TTN: variants seen among roughly 807,000 people sequenced by gnomAD.
TTN encodes the protein connectin.
A neutral mutation model predicts 3,223.0 loss-of-function variants in TTN; 1,525 were observed. The observed-to-expected ratio is 0.47, with a 90% CI of 0.45 to 0.49. The LOEUF is 0.49. Ranked by LOEUF, TTN falls within the 20% of genes least tolerant of loss-of-function variation. The probability of loss-of-function intolerance (pLI) is 0.00; values close to 1 mark genes in which losing one functional copy is unlikely to be tolerated. For synonymous variants in TTN, 14,094 were observed against 15,161.0 expected (o/e 0.93, Z 5.17); for missense variants, 40,786 against 43,424.0 (o/e 0.94, Z 5.40).
intron 98 of TTN, 75 bp downstream of exon 98, chr2:178,710,560 C>G: frequency 4.0e-6 from 6 of 1,484,198 alleles, no homozygotes; most frequent in Non-Finnish European, 4.5e-6. Context: ...CATTCATCAT[C>G]ATAAAAACGA....
chr2:178,783,807 T>G (rs758043571), intron 16 of TTN, 22 bp from the exon 17 acceptor site: 1 of 1,599,252 alleles, frequency 6.3e-7, no homozygotes, highest in South Asian at 1.1e-5. Flanking sequence ...CAAATTATAT[T>G]ACAAAATGCT....
chr2:178,794,584 T>A, intron 7 of TTN, 33 bp from the exon 8 acceptor site: 1 of 1,613,894 alleles, frequency 6.2e-7, no homozygotes, highest in Non-Finnish European at 8.5e-7. Context: ...GATTACTTTT[T>A]TAAATGACAT....
In TTN at chr2:178,597,647, G is replaced by T. The variant is rs775238770; in HGVS notation, c.57435C>A (p.Ser19145Arg). 1.9e-6 allele frequency: 3 copies of T among 1,613,278 alleles called. No individual in the cohort carries two copies. In the Admixed American group the frequency reaches 5.0e-5, roughly 27 times the overall value. The change falls in exon 294 of 363, where the codon AGC becomes AGA. Residue 19145 changes from serine (S) to arginine (R), a missense_variant. Transcript: ENST00000589042. Reference protein sequence around the residue: ...QEATIETTAISSSMVIKNCQR... With the variant: ...QEATIETTAIRSSMVIKNCQR... ...GGCAGTTCTTGATGACCATGGATGA[G>T]CTAATGGCTGTGGTCTCAATGGTGG... is the stretch of plus-strand genomic sequence containing the variant.
chr2:178,773,053 A>C, intron 33 of TTN, 56 bp downstream of exon 33: 1 of 1,608,970 alleles, frequency 6.2e-7, no homozygotes, highest in South Asian at 1.1e-5. Flanking sequence ...ATGAATAATA[A>C]TTTCTTAAAA....
rs2091908618 is a variant in TTN at position 178,774,055 on chromosome 2, G to A, written c.7113C>T (p.Asp2371=). 1 of 1,613,932 alleles carries A rather than the reference G, an allele frequency of 6.2e-7. No individual in the cohort carries two copies. The highest frequency in any genetic ancestry group is 1.7e-5 in the Admixed American group (1 of 59,996). The change falls in exon 31 of 363, where the codon GAC becomes GAT. Residue 2371 remains aspartate (D), a synonymous_variant. Transcript: ENST00000589042. ...AGACTTTAACTTCAAGCTGAACAAT[G>A]TCACCCTCACAGACTTTTTGGTCAC... ...GLSDQKVCEG[D]IVQLEVKVSL...
chr2:178,616,370 G>A, intron 257 of TTN, 109 bp downstream of exon 257: 1 of 1,451,172 alleles, frequency 6.9e-7, no homozygotes, highest in Non-Finnish European at 9.4e-7. Flanking sequence ...TTTTCAGTGA[G>A]GTAAAGGTAA....
Position 178,731,587 on chromosome 2 carries a change from A to G in TTN, c.17183-4T>C. The G allele has an allele frequency of 6.3e-7, 1 of 1,588,168 alleles. No homozygotes were observed. Among genetic ancestry groups the G allele is most frequent in the Non-Finnish European group, 8.6e-7 (1 of 1,167,036 alleles). On this transcript the variant is annotated splice_region_variant and splice_polypyrimidine_tract_variant and intron_variant, in intron 58 of 362. Transcript: ENST00000589042. ...TTCTTTATGAAGGATGGGGGTTCTA[A>G]CAGAAGAATGAATTCTCAATCAATA...
intron 47 of TTN, chr2:178,747,330 T>A (rs772671987): frequency 1.5e-5 from 25 of 1,613,244 alleles, no homozygotes; most frequent in Non-Finnish European, 2.1e-5. Flanking sequence ...CTTTCAACTG[T>A]CTCACCTCCT....
At chr2:178,704,438 C>T (rs1433534103) in intron 105 of TTN, 31 bp from the exon 106 acceptor site, 1 of 1,604,788 alleles carries the variant, frequency 6.2e-7, no homozygotes, top group Non-Finnish European at 8.5e-7. Flanking sequence ...GCATTTTGTT[C>T]AATATCACAC....
intron 241 of TTN, among the ~76,000 whole-genome samples, chr2:178,624,965 C>T (rs1395005919): frequency 6.6e-6 from 1 of 151,820 alleles, no homozygotes; most frequent in Non-Finnish European, 1.5e-5. Context: ...ACAGCCAACT[C>T]TTGGTTAATA....
At position 178,570,704 on chromosome 2, in the gene TTN, A is replaced by G. The variant is rs988443056; in HGVS notation, c.75428T>C (p.Ile25143Thr). Residue 25143 changes from isoleucine to threonine, a missense_variant, in exon 326 of 363, where the codon ATT becomes ACT. By Grantham distance (89) the Ile-to-Thr change is moderately conservative. Coordinates refer to ENST00000589042, the MANE Select transcript of TTN (RefSeq NM_001267550.2). ...CTCCTGATCACCTTTTATCCACTGAATGGTTGGTATTGGTTTGCCATAAAT... is the reference window on the plus strand; with the variant it reads ...CTCCTGATCACCTTTTATCCACTGAGTGGTTGGTATTGGTTTGCCATAAAT... ...ADIYGKPIPT[I>T]QWIKGDQELS... 6.2e-7 allele frequency: 1 copy of G among 1,613,546 alleles called. No homozygotes were observed. The highest frequency in any genetic ancestry group is 1.7e-4 in the Middle Eastern group (1 of 6,058).
Position 178,672,144 on chromosome 2 carries a change from T to C in TTN, c.35054A>G (p.His11685Arg). 1 of 1,606,930 alleles carries C rather than the reference T, an allele frequency of 6.2e-7. No homozygotes were observed. The highest frequency in any genetic ancestry group is 8.5e-7 in the Non-Finnish European group (1 of 1,175,776). The change falls in exon 155 of 363, where the codon CAT (histidine) becomes CGT (arginine). Residue 11685 changes from histidine (H) to arginine (R), a missense_variant. Physicochemically the swap from His to Arg is conservative, Grantham distance 29. Coordinates refer to ENST00000589042, the MANE Select transcript of TTN (RefSeq NM_001267550.2). ...TTCTTCAAAATATTCTTCAACTTCA[T>C]GGAACTCTTCTTCTTCCGGAATTTC... is the stretch of plus-strand genomic sequence containing the variant. ...VEEIPEEEEF[H>R]EVEEYFEEGE...
chr2:178,622,868 T>A, intron 242 of TTN, 101 bp from the exon 243 acceptor site: 1 of 921,790 alleles, frequency 1.1e-6, no homozygotes, highest in Non-Finnish European at 1.7e-6. Context: ...TTTTAGGGAT[T>A]TTCCATCTTA....
In TTN at chr2:178,539,485, G is replaced by A; in HGVS notation, c.98580C>T (p.Leu32860=). ...VRGTSLVVKG[L]KENVEYHFRV... ...GGAAATGGTATTCTACATTCTCTTTGAGGCCTTTTACCACCAGAGATGTAC... is the reference window on the plus strand; with the variant it reads ...GGAAATGGTATTCTACATTCTCTTTAAGGCCTTTTACCACCAGAGATGTAC... The change falls in exon 352 of 363, where the codon CTC becomes CTT. Residue 32860 remains leucine (L), a synonymous_variant. Coordinates refer to ENST00000589042, the MANE Select transcript of TTN (RefSeq NM_001267550.2). 6.2e-7 allele frequency: 1 copy of A among 1,613,796 alleles called. No homozygotes were observed. The highest frequency in any genetic ancestry group is 8.5e-7 in the Non-Finnish European group (1 of 1,179,800).
intron 47 of TTN, chr2:178,751,652 A>T: frequency 6.2e-7 from 1 of 1,613,344 alleles, no homozygotes; most frequent in Non-Finnish European, 8.5e-7. Context: ...TTCACTATTA[A>T]TTGCTAGTAA....
chr2:178,651,086 T>C (rs2062861617), intron 208 of TTN, among the ~76,000 whole-genome samples, 157 bp downstream of exon 208: 1 of 152,092 alleles, frequency 6.6e-6, no homozygotes, highest in African/African-American at 2.4e-5. Context: ...TTAAAGTCAA[T>C]GAAAAAATTA....
rs1470114541 is a variant in TTN at position 178,559,469 on chromosome 2, C to G, written c.86663G>C (p.Ser28888Thr). 1 of 1,613,662 alleles carries G rather than the reference C, an allele frequency of 6.2e-7. No homozygotes were observed. Among genetic ancestry groups the G allele is most frequent in the East Asian group, 2.2e-5 (1 of 44,836 alleles). ...KNYHIEKREA[S>T]KKAWVSVTNN... ...GGTCACAGAGACCCATGCTTTCTTGCTGGCCTCACGTTTTTCTATGTGGTA... is the reference window on the plus strand; with the variant it reads ...GGTCACAGAGACCCATGCTTTCTTGGTGGCCTCACGTTTTTCTATGTGGTA... The change falls in exon 326 of 363, where the codon AGC (serine) becomes ACC (threonine). Residue 28888 changes from serine to threonine, a missense_variant. Ser to Thr is a moderately conservative substitution (Grantham distance 58). Coordinates refer to ENST00000589042, the MANE Select transcript of TTN (RefSeq NM_001267550.2).
At position 178,539,890 on chromosome 2, in the gene TTN, G is replaced by A; in HGVS notation, c.98175C>T (p.Thr32725=). The A allele has an allele frequency of 6.2e-7, 1 of 1,613,724 alleles. No individual in the cohort carries two copies. The highest frequency in any genetic ancestry group is 8.5e-7 in the Non-Finnish European group (1 of 1,179,744). The change falls in exon 352 of 363, where the codon ACC becomes ACT. Residue 32725 remains threonine, a synonymous_variant. Transcript: ENST00000589042. ...FVRQGGVIRL[T]IPIKGKPFPI... is the part of the protein sequence containing the mutation. ...GGAATGGTTTTCCTTTGATTGGTAT[G>A]GTAAGTCTGATGACGCCACCTTGCC...
At chr2:178,756,140 G>T in intron 46 of TTN, 82 bp downstream of exon 46, 1 of 1,033,900 alleles carries the variant, frequency 9.7e-7, no homozygotes, top group Non-Finnish European at 1.4e-6. Context: ...TAATATATTC[G>T]TCGATTGAAT....
Sources: gnomAD v4.1 joint callset for allele counts (sites outside exome capture counted in the v4.1 genomes callset) on GRCh38, gnomAD v4.1.1 for gene constraint, MANE v1.5 for transcripts, NCBI Gene and HGNC (gene_info 2026-07-23, HGNC 2026-07-21) for gene names.